Variants in LRGUK observed in about 807,000 individuals in gnomAD.
The protein encoded by LRGUK is leucine rich repeats and guanylate kinase domain containing.
In LRGUK, 65 loss-of-function variants were observed where a neutral mutation model predicts 76.0. That is an observed-to-expected ratio of 0.85 (90% CI 0.70 to 1.05). The LOEUF (loss-of-function observed/expected upper bound fraction) is 1.05. LRGUK is among the 50% of genes least tolerant of loss of function. The pLI is 0.00. For synonymous variants in LRGUK, 268 were observed against 265.6 expected (o/e 1.01, Z -0.09); for missense variants, 758 against 732.8 (o/e 1.03, Z -0.40).
intron 16 of LRGUK, among the ~76,000 whole-genome samples, chr7:134,246,014 G>A (rs1003512416): frequency 2.0e-5 from 3 of 152,060 alleles, no homozygotes. Context: ...TAGAAACACA[G>A]AGCTCAGGGA....
At chr7:134,240,709 A>G (rs540390331) in intron 16 of LRGUK, among the ~76,000 whole-genome samples, 3 of 152,324 alleles carry the variant, frequency 2.0e-5, no homozygotes, top group African/African-American at 7.2e-5. Flanking sequence ...AGAATGCCAC[A>G]AAGATACTCC....
chr7:134,197,241 C>T (rs1213306715), intron 13 of LRGUK, 136 bp downstream of exon 13: 2 of 547,076 alleles, frequency 3.7e-6, no homozygotes, highest in Admixed American at 3.3e-5. Context: ...GGGGTACATG[C>T]GTTAATGTAT....
At chr7:134,148,410 T>G in intron 5 of LRGUK, 91 bp downstream of exon 5, 1 of 715,156 alleles carries the variant, frequency 1.4e-6, no homozygotes, top group South Asian at 1.7e-5. Context: ...TTACATGGAC[T>G]AGTACCAGAT....
chr7:134,132,470 GC>G (rs997278947), intron 1 of LRGUK, among the ~76,000 whole-genome samples: 1 of 152,208 alleles, frequency 6.6e-6, no homozygotes, highest in Non-Finnish European at 1.5e-5. Flanking sequence ...GGAGACATTG[GC>G]CCACGTGGTT....
chr7:134,151,429 A>C (rs1042766663), intron 5 of LRGUK, among the ~76,000 whole-genome samples: 3 of 152,062 alleles, frequency 2.0e-5, no homozygotes, highest in African/African-American at 7.2e-5. Context: ...AAAAATTAAA[A>C]ATCTTTCTAC....
chr7:134,140,459 C>A (rs753504410), intron 3 of LRGUK, among the ~76,000 whole-genome samples: 8 of 152,096 alleles, frequency 5.3e-5, no homozygotes, highest in Non-Finnish European at 1.2e-4. Flanking sequence ...TGAAATTAGT[C>A]CTACCATTGT....
At chr7:134,197,594 C>T (rs534051577) in intron 13 of LRGUK, among the ~76,000 whole-genome samples, 1 of 152,290 alleles carries the variant, frequency 6.6e-6, no homozygotes, top group African/African-American at 2.4e-5. Flanking sequence ...TTGTTCCTTC[C>T]TTCTGCATGA....
At chr7:134,248,442 T>G (rs1210141388) in intron 17 of LRGUK, among the ~76,000 whole-genome samples, 3 of 152,200 alleles carry the variant, frequency 2.0e-5, no homozygotes, top group African/African-American at 7.2e-5. Flanking sequence ...TAATGATTCT[T>G]TTTCTTTCAA....
At chr7:134,190,946 T>TGAGCA (rs1800211755) in intron 11 of LRGUK, among the ~76,000 whole-genome samples, 8 of 151,308 alleles carry the variant, frequency 5.3e-5, no homozygotes, top group Admixed American at 6.6e-5. Flanking sequence ...AGTTGAGCGG[T>TGAGCA]GTGGTGGGAT....
chr7:134,152,783 C>T (rs570929313), intron 5 of LRGUK, among the ~76,000 whole-genome samples: 1 of 152,068 alleles, frequency 6.6e-6, no homozygotes, highest in Non-Finnish European at 1.5e-5. Context: ...TAAGAATGTT[C>T]ATAGCAGTAT....
chr7:134,140,158 T>G (rs768682812), intron 3 of LRGUK, among the ~76,000 whole-genome samples: 2 of 151,870 alleles, frequency 1.3e-5, no homozygotes, highest in African/African-American at 2.4e-5. Flanking sequence ...CTAGTAGAGA[T>G]AGGGTTTCGT....
chr7:134,265,497 A>G (rs1409631018), downstream of LRGUK, among the ~76,000 whole-genome samples: 8 of 152,188 alleles, frequency 5.3e-5, no homozygotes, highest in African/African-American at 1.4e-4. Flanking sequence ...TGGATACATC[A>G]ACAAAAGCCC....
chr7:134,171,351 A>T (rs1050893776), intron 7 of LRGUK, among the ~76,000 whole-genome samples: 16 of 152,048 alleles, frequency 1.1e-4, no homozygotes, highest in African/African-American at 3.4e-4. Flanking sequence ...CAGCGAAAAA[A>T]ATTTTAATGG....
chr7:134,153,434 G>A (rs1798317072), intron 5 of LRGUK, among the ~76,000 whole-genome samples: 1 of 152,068 alleles, frequency 6.6e-6, no homozygotes, highest in Non-Finnish European at 1.5e-5. Context: ...TCTTAAGAAA[G>A]AGTACAGTTT....
chr7:134,267,323 T>C (rs1802873014), downstream of LRGUK, among the ~76,000 whole-genome samples: 1 of 152,044 alleles, frequency 6.6e-6, no homozygotes, highest in Non-Finnish European at 1.5e-5. Context: ...AGAAACAAAA[T>C]CAAATATCAC....
At chr7:134,203,888 C>A (rs1479057651) in intron 15 of LRGUK, among the ~76,000 whole-genome samples, 1 of 152,156 alleles carries the variant, frequency 6.6e-6, no homozygotes. Flanking sequence ...GCTCCCCTTG[C>A]CTTAATTCTT....
intron 16 of LRGUK, among the ~76,000 whole-genome samples, chr7:134,246,210 C>G (rs907169047): frequency 6.6e-6 from 1 of 152,126 alleles, no homozygotes; most frequent in Non-Finnish European, 1.5e-5. Context: ...ATTATTCACT[C>G]TTTATATTAT....
At chr7:134,197,705 C>T (rs992979735) in intron 13 of LRGUK, among the ~76,000 whole-genome samples, 1 of 152,130 alleles carries the variant, frequency 6.6e-6, no homozygotes, top group African/African-American at 2.4e-5. Context: ...AGATTTTTCT[C>T]TCTACCCTGA....
chr7:134,213,091 G>A (rs555976260), downstream of LRGUK, among the ~76,000 whole-genome samples: 2 of 152,272 alleles, frequency 1.3e-5, no homozygotes, highest in South Asian at 2.1e-4. Context: ...AACCACGTAC[G>A]CCTAAGCAGA....
Sources: allele counts gnomAD v4.1 joint callset (sites outside exome capture counted in the v4.1 genomes callset), GRCh38; gene constraint gnomAD v4.1.1; transcripts MANE v1.5; gene names NCBI Gene and HGNC (gene_info 2026-07-23, HGNC 2026-07-21).